MYRIP: variants seen among roughly 807,000 people sequenced by gnomAD.
MYRIP encodes the protein rab effector MyRIP.
A neutral mutation model predicts 98.0 loss-of-function variants in MYRIP; 49 were observed. The observed-to-expected ratio is 0.50, with a 90% confidence interval of 0.40 to 0.63. The LOEUF is 0.63. Among genes scored for constraint, MYRIP ranks in the 30% least tolerant of loss-of-function variants. The pLI, the probability that MYRIP is intolerant of heterozygous loss-of-function variation, is 0.00. For missense variants in MYRIP, 1,004 were observed against 1,058.2 expected (o/e 0.95, Z 0.71); for synonymous variants, 404 against 409.5 (o/e 0.99, Z 0.16).
intron 3 of MYRIP, chr3:40,100,211 T>C: frequency 2.1e-5 from 21 of 985,472 alleles, no homozygotes; most frequent in Non-Finnish European, 2.5e-5. Flanking sequence ...GAGCTAAATT[T>C]GAGTAGAAGA....
At chr3:39,838,946 A>G (rs1941711113) in intron 1 of MYRIP, among the ~76,000 whole-genome samples, 1 of 152,004 alleles carries the variant, frequency 6.6e-6, no homozygotes, top group Non-Finnish European at 1.5e-5. Flanking sequence ...GGAAGGGTGT[A>G]TGTGTCCAGG....
intron 2 of MYRIP, among the ~76,000 whole-genome samples, chr3:40,014,749 C>T (rs1179557421): frequency 1.2e-4 from 19 of 152,166 alleles, no homozygotes; most frequent in Non-Finnish European, 7.4e-5. Context: ...GGAAACTTGT[C>T]CCAGTTACAT....
intron 2 of MYRIP, among the ~76,000 whole-genome samples, chr3:39,916,717 G>C (rs896355584): frequency 6.6e-6 from 1 of 152,010 alleles, no homozygotes; most frequent in African/African-American, 2.4e-5. Context: ...TCTAAACTCA[G>C]CTGATTAAAT....
chr3:40,004,587 G>T (rs541365548), intron 2 of MYRIP, among the ~76,000 whole-genome samples: 1 of 152,150 alleles, frequency 6.6e-6, no homozygotes, highest in Non-Finnish European at 1.5e-5. Context: ...CACCCGAGCA[G>T]TATACACTGT....
At chr3:40,181,159 G>T (rs1950874789) in intron 8 of MYRIP, among the ~76,000 whole-genome samples, 1 of 151,170 alleles carries the variant, frequency 6.6e-6, no homozygotes, top group Admixed American at 6.6e-5. Context: ...TGCAGGGCAA[G>T]ATTAAGTTTC....
At chr3:40,218,609 A>AT (rs370689146) in intron 11 of MYRIP, among the ~76,000 whole-genome samples, 2 of 127,426 alleles carry the variant, frequency 1.6e-5, no homozygotes, top group South Asian at 2.4e-4. Context: ...ATATATATAT[A>AT]TTTTATATAT....
intron 3 of MYRIP, among the ~76,000 whole-genome samples, chr3:40,088,594 A>G (rs755726182): frequency 1.4e-4 from 22 of 152,082 alleles, no homozygotes; most frequent in Non-Finnish European, 3.1e-4. Context: ...GAGACAGAAA[A>G]CCATCAGCCC....
intron 1 of MYRIP, among the ~76,000 whole-genome samples, chr3:39,848,707 CATGTT>C (rs925390880): frequency 6.6e-5 from 10 of 152,178 alleles, no homozygotes; most frequent in African/African-American, 2.4e-4. Flanking sequence ...GACATGTAAA[CATGTT>C]ATACACTTGA....
chr3:40,150,374 A>G (rs1183960370), intron 3 of MYRIP, among the ~76,000 whole-genome samples: 1 of 152,216 alleles, frequency 6.6e-6, no homozygotes, highest in Non-Finnish European at 1.5e-5. Flanking sequence ...TACAGGCATG[A>G]GCCACAGCAC....
chr3:40,131,602 A>G (rs1168028276), intron 3 of MYRIP, among the ~76,000 whole-genome samples: 1 of 152,174 alleles, frequency 6.6e-6, no homozygotes, highest in Non-Finnish European at 1.5e-5. Flanking sequence ...GGAAAATTTC[A>G]TCAAAGTTGT....
At chr3:40,192,330 T>C (rs1410402269) in intron 10 of MYRIP, among the ~76,000 whole-genome samples, 4,052 of 100,022 alleles carry the variant, frequency 0.041, 368 homozygotes, top group Non-Finnish European at 0.059. Flanking sequence ...ATATATGTCA[T>C]ATATATATAT....
At chr3:40,174,616 G>T (rs1052024308) in intron 8 of MYRIP, 3 of 152,240 alleles carry the variant, frequency 2.0e-5, no homozygotes, top group African/African-American at 7.2e-5. Flanking sequence ...TGTGTAGTAG[G>T]CATCTTGCAG....
intron 5 of MYRIP, among the ~76,000 whole-genome samples, chr3:40,166,297 C>G (rs1950497049): frequency 6.6e-6 from 1 of 152,088 alleles, no homozygotes; most frequent in Non-Finnish European, 1.5e-5. Flanking sequence ...GATAAAGAAC[C>G]ATTATTTCCT....
rs188725656 is a variant in MYRIP, at chr3:40,136,452, G to A, written c.333-14596G>A. Among the ~76,000 whole-genome samples, 182 of 152,182 alleles carry A rather than the reference G, an allele frequency of 1.2e-3. 3 individuals are homozygous for A. Among genetic ancestry groups the A allele is most frequent in the Middle Eastern group, 0.01 (3 of 292 alleles). Reference sequence around the variant, plus strand: ...TAATAATGGGAGACTTTAACACCCCGCTGTCAACATTAGACACATCAGTGA... The same window carrying A: ...TAATAATGGGAGACTTTAACACCCCACTGTCAACATTAGACACATCAGTGA... On this transcript the variant is annotated intron_variant, in intron 3 of 16. Transcript: ENST00000302541.
chr3:40,040,994 GA>G lies in MYRIP; in HGVS notation c.111-3045del, dbSNP rs1322717456. Reference sequence around the variant, plus strand: ...CTTAGAGTATAATAAAAAAAAAAAAGAAAAAAAAAAAGAAAATATTACCAGC... The same window carrying G: ...CTTAGAGTATAATAAAAAAAAAAAAGAAAAAAAAAAGAAAATATTACCAGC... On this transcript the variant is annotated intron_variant, in intron 2 of 16. Transcript: ENST00000302541. 2.1e-3 allele frequency among the ~76,000 whole-genome samples: 17 copies of G among 8,254 alleles called. No individual in the cohort carries two copies. In the East Asian group the frequency reaches 0.025, roughly 12 times the overall value. 5.4% of individuals were successfully genotyped at this position (8,254 alleles called of 152,430 possible). A position where few individuals can be genotyped will look rare whatever the true frequency, so the allele number is the denominator to read the frequency against.
chr3:40,021,199 G>T (rs553445471), intron 2 of MYRIP, among the ~76,000 whole-genome samples: 1 of 152,252 alleles, frequency 6.6e-6, no homozygotes, highest in African/African-American at 2.4e-5. Flanking sequence ...AGGATTTTTT[G>T]ATAGTTTTTG....
In MYRIP at chr3:40,251,932, A is replaced by G; in HGVS notation, c.2480A>G (p.Asn827Ser). The change falls in exon 16 of 17, where the codon AAC becomes AGC. Residue 827 changes from asparagine to serine, a missense_variant. By Grantham distance (46) the Asn-to-Ser change is conservative. This residue lies in a region of MYRIP where 108 missense variants were observed against 111.1 expected (regional missense o/e 0.97). Transcript: ENST00000302541. Reference protein sequence around the residue: ...SVTTIKTFNHNFILQGSSTNR... With the variant: ...SVTTIKTFNHSFILQGSSTNR... ...ACTACCATTAAAACATTTAACCACA[A>G]CTTCATTCTCCAAGGCTCCTCAACA... 6.2e-7 allele frequency: 1 copy of G among 1,613,938 alleles called. No homozygotes were observed. Among genetic ancestry groups the G allele is most frequent in the Non-Finnish European group, 8.5e-7 (1 of 1,179,858 alleles).
In MYRIP at chr3:40,010,007, A is replaced by T. The variant is rs140832457; in HGVS notation, c.111-34043A>T. Among the ~76,000 whole-genome samples the T allele has an allele frequency of 6.2e-3, 937 of 152,290 alleles. 11 individuals are homozygous for T. Among genetic ancestry groups the T allele is most frequent in the Non-Finnish European group, 9.1e-3 (620 of 68,024 alleles). ...TTCTCCTTTAAGGAATGATGAGCCT[A>T]GGGAGAAAATGCTGTCCTGGGAACT... On this transcript the variant is annotated intron_variant, in intron 2 of 16. Transcript: ENST00000302541.
At chr3:39,922,109 AG>A (rs1275803411) in intron 2 of MYRIP, among the ~76,000 whole-genome samples, 1 of 152,018 alleles carries the variant, frequency 6.6e-6, no homozygotes, top group East Asian at 1.9e-4. Context: ...GAGTTCTCTT[AG>A]GTTTTTGTTT....
Sources: gnomAD v4.1 joint callset for allele counts (sites outside exome capture counted in the v4.1 genomes callset) on GRCh38, gnomAD v4.1.1 for gene constraint, gnomAD v4.1.1 regional missense constraint, MANE v1.5 for transcripts, NCBI Gene and HGNC (gene_info 2026-07-23, HGNC 2026-07-21) for gene names.